UPP1: variants seen among roughly 807,000 people sequenced by gnomAD.
UPP1 encodes the protein uridine phosphorylase 1.
UPP1 carries 25 observed loss-of-function variants against 29.6 expected under a neutral mutation model. The ratio of observed to expected loss-of-function variants is 0.85; its 90% CI spans 0.62 to 1.18. The LOEUF (loss-of-function observed/expected upper bound fraction) is 1.18, where lower values mean the gene tolerates loss of function less well. UPP1 is among the 50% of genes most tolerant of loss of function. The pLI, the probability that UPP1 is intolerant of heterozygous loss-of-function variation, is 0.00. For synonymous variants in UPP1, 165 were observed against 159.8 expected (o/e 1.03, Z -0.25); for missense variants, 368 against 410.4 (o/e 0.90, Z 0.89).
chr7:48,107,613 C>G, intron 8 of UPP1, 106 bp downstream of exon 8: 3 of 1,384,908 alleles, frequency 2.2e-6, no homozygotes, highest in Admixed American at 2.4e-5. Context: ...ATACCCATTT[C>G]TGGTTTCTGT....
Position 48,108,309 on chromosome 7 carries a change from G to A in UPP1, c.885G>A (p.Pro295=), listed in dbSNP as rs536002558. 1.7e-5 allele frequency: 28 copies of A among 1,614,074 alleles called. No homozygotes were observed. Among genetic ancestry groups the A allele is most frequent in the Middle Eastern group, 1.7e-4 (1 of 6,042 alleles). ...TGCTCAGCGAGTACCAGCAGAGGCC[G>A]CAGCGGCTGGTGAGCTACTTCATCA... ...RNVLSEYQQR[P]QRLVSYFIKK... Residue 295 remains proline, a synonymous_variant, in exon 9 of 9, where the codon CCG becomes CCA. Transcript: ENST00000395564.
chr7:48,103,552 G>A, intron 6 of UPP1, 141 bp downstream of exon 6: 3 of 895,580 alleles, frequency 3.3e-6, no homozygotes, highest in South Asian at 3.1e-5. Context: ...AACAGGAGGT[G>A]TGAAAAGAAG....
At chr7:48,101,242 AT>A (rs534043373) in intron 4 of UPP1, among the ~76,000 whole-genome samples, 2,812 of 151,088 alleles carry the variant, frequency 0.019, 84 homozygotes, top group African/African-American at 0.065. Context: ...ACTTAAAAAA[AT>A]TTTTTTTTTC....
intron 3 of UPP1, among the ~76,000 whole-genome samples, chr7:48,098,768 A>T (rs1044256622): frequency 6.6e-6 from 1 of 152,184 alleles, no homozygotes; most frequent in Non-Finnish European, 1.5e-5. Flanking sequence ...TCAGCATCCC[A>T]TGTCTGCCTC....
intron 2 of UPP1, among the ~76,000 whole-genome samples, chr7:48,093,041 TAAA>T (rs930397336): frequency 4.7e-5 from 7 of 149,958 alleles, no homozygotes; most frequent in African/African-American, 1.7e-4. Flanking sequence ...AGTGTTGAAT[TAAA>T]AAAAAAATCA....
At chr7:48,097,906 C>T (rs112898023) in intron 3 of UPP1, among the ~76,000 whole-genome samples, 5 of 152,266 alleles carry the variant, frequency 3.3e-5, no homozygotes, top group African/African-American at 7.2e-5. Context: ...TGGATTTGGT[C>T]GCTTGAAAAA....
At chr7:48,103,668 G>T (rs1423498892) in intron 6 of UPP1, 1 of 1,077,342 alleles carries the variant, frequency 9.3e-7, no homozygotes, top group Non-Finnish European at 1.3e-6. Flanking sequence ...TCCTTTTGGG[G>T]TTACACAATT....
rs773869355 is a variant in UPP1 at position 48,101,968 on chromosome 7, G to T, written c.307G>T (p.Val103Leu). 7 of 1,613,700 alleles carry T rather than the reference G, an allele frequency of 4.3e-6. No individual in the cohort carries two copies. Among genetic ancestry groups the T allele is most frequent in the Non-Finnish European group, 5.1e-6 (6 of 1,179,776 alleles). ...DRYAMYKVGP[V>L]LSVSHGMGIP... ...CTATGCCATGTATAAAGTAGGACCG[G>T]TGCTGTCTGTCAGTGTGAGTACCTG... is the stretch of plus-strand genomic sequence containing the variant. Residue 103 changes from valine (V) to leucine (L), a missense_variant, in exon 5 of 9, where the codon GTG becomes TTG. By Grantham distance (32) the Val-to-Leu change is conservative. Coordinates refer to ENST00000395564, the MANE Select transcript of UPP1 (RefSeq NM_003364.4).
At position 48,107,381 on chromosome 7, in the gene UPP1, G is replaced by A. The variant is rs751484797; in HGVS notation, c.667G>A (p.Ala223Thr). The change falls in exon 8 of 9, where the codon GCT becomes ACT. Residue 223 changes from alanine to threonine, a missense_variant. By Grantham distance (58) the Ala-to-Thr change is moderately conservative (BLOSUM62 0). Transcript: ENST00000395564. Reference protein sequence around the residue: ...FYEGQGRLDGALCSYTEKDKQ... With the variant: ...FYEGQGRLDGTLCSYTEKDKQ... The stretch of plus-strand genomic sequence containing the variant: ...CTCAGGGCAAGGCCGTCTGGATGGG[G>A]CTCTCTGCTCCTACACGGAGAAGGA... 1.2e-6 allele frequency: 2 copies of A among 1,613,518 alleles called. No homozygotes were observed. Among genetic ancestry groups the A allele is most frequent in the East Asian group, 4.5e-5 (2 of 44,858 alleles).
chr7:48,106,820 A>C, intron 6 of UPP1, 53 bp from the exon 7 acceptor site: 20 of 1,580,928 alleles, frequency 1.3e-5, no homozygotes, highest in Non-Finnish European at 1.7e-5. Flanking sequence ...GCCCTGCTTT[A>C]ATTTTATTTT....
At chr7:48,102,621 A>C (rs1458633595) in intron 5 of UPP1, among the ~76,000 whole-genome samples, 1 of 152,182 alleles carries the variant, frequency 6.6e-6, no homozygotes, top group African/African-American at 2.4e-5. Flanking sequence ...TAATCTGCGC[A>C]AGCCTTTCCT....
intron 2 of UPP1, among the ~76,000 whole-genome samples, chr7:48,094,025 T>C (rs1338642776): frequency 6.6e-6 from 1 of 152,012 alleles, no homozygotes; most frequent in East Asian, 1.9e-4. Context: ...CTGAACATGG[T>C]GGCGTGTGTC....
intron 8 of UPP1, 28 bp from the exon 9 acceptor site, chr7:48,108,190 G>A (rs750675961): frequency 5.0e-6 from 8 of 1,600,306 alleles, no homozygotes; most frequent in Non-Finnish European, 6.0e-6. Context: ...CCGGCACCTT[G>A]CCTTGATGTG....
At position 48,103,261 on chromosome 7, in the gene UPP1, C is replaced by T. The variant is rs201957177; in HGVS notation, c.322-36C>T. On this transcript the variant is annotated intron_variant, in intron 5 of 8. Coordinates refer to ENST00000395564, the MANE Select transcript of UPP1 (RefSeq NM_003364.4). The stretch of plus-strand genomic sequence containing the variant: ...AGCCAGAACATTGACAAAGTCACAA[C>T]CTTGGCTTAACATGGGTGTTTCTCC... 9.2e-5 allele frequency: 141 copies of T among 1,539,292 alleles called. No individual in the cohort carries two copies. The African/African-American group carries it at 1.4e-3, about 15-fold the overall frequency.
intron 2 of UPP1, among the ~76,000 whole-genome samples, chr7:48,093,191 A>G (rs548421531): frequency 1.3e-5 from 2 of 152,340 alleles, no homozygotes; most frequent in East Asian, 1.9e-4. Context: ...AATTGGAGGG[A>G]ACATTTTTCT....
At chr7:48,088,911 T>C (rs1791654775), upstream of UPP1, 1 of 152,366 alleles carries the variant, frequency 6.6e-6, no homozygotes, top group African/African-American at 2.4e-5. Context: ...CGCCCCAGGT[T>C]AGGACCACGT....
Position 48,101,884 on chromosome 7 carries a change from G to C in UPP1, c.223G>C (p.Glu75Gln). The C allele has an allele frequency of 6.2e-7, 1 of 1,614,114 alleles. No individual in the cohort carries two copies. The highest frequency in any genetic ancestry group is 8.5e-7 in the Non-Finnish European group (1 of 1,180,014). Residue 75 changes from glutamate (E) to glutamine (Q), a missense_variant, in exon 5 of 9, where the codon GAG (glutamate) becomes CAG (glutamine). By Grantham distance (29) the Glu-to-Gln change is conservative (BLOSUM62 2). Coordinates refer to ENST00000395564, the MANE Select transcript of UPP1 (RefSeq NM_003364.4). ...AGCCTTCATCAGGTGCGTTGGTGCA[G>C]AGCTGGGCCTTGACTGCCCAGGTAG... ...MKAFIRCVGAELGLDCPGRDY... is the reference protein window; with the variant it reads ...MKAFIRCVGAQLGLDCPGRDY...
At chr7:48,107,732 A>C (rs1229284577) in intron 8 of UPP1, among the ~76,000 whole-genome samples, 1 of 152,224 alleles carries the variant, frequency 6.6e-6, no homozygotes, top group Non-Finnish European at 1.5e-5. Context: ...GACCTTGTGC[A>C]GGAAAAATGA....
intron 6 of UPP1, chr7:48,104,779 T>C (rs1792638610): frequency 6.6e-6 from 1 of 152,258 alleles, no homozygotes. Flanking sequence ...TAGTCTCCGA[T>C]GCTGCCCACC....
Sources: allele counts gnomAD v4.1 joint callset (sites outside exome capture counted in the v4.1 genomes callset), GRCh38; gene constraint gnomAD v4.1.1; transcripts MANE v1.5; gene names NCBI Gene and HGNC (gene_info 2026-07-23, HGNC 2026-07-21).